Variants in PARP4 observed in about 807,000 individuals in gnomAD.
PARP4 encodes protein mono-ADP-ribosyltransferase PARP4.
PARP4 carries 120 observed loss-of-function variants against 187.7 expected under a neutral mutation model. The ratio of observed to expected loss-of-function variants is 0.64; its 90% CI spans 0.55 to 0.74. PARP4 has a LOEUF of 0.74. Among genes scored for constraint, PARP4 ranks in the 30% least tolerant of loss-of-function variants. PARP4 has a pLI of 0.00. For synonymous variants in PARP4, 654 were observed against 740.9 expected (o/e 0.88, Z 1.90); for missense variants, 1,836 against 2,070.5 (o/e 0.89, Z 2.20).
intron 9 of PARP4, among the ~76,000 whole-genome samples, chr13:24,492,165 G>A (rs749657572): frequency 5.9e-5 from 9 of 152,220 alleles, no homozygotes; most frequent in Non-Finnish European, 1.3e-4. Context: ...TCCAGAGTCT[G>A]AAAAGTTATT....
At chr13:24,506,749 T>C (rs1407011409) in intron 1 of PARP4, among the ~76,000 whole-genome samples, 4 of 152,226 alleles carry the variant, frequency 2.6e-5, no homozygotes, top group African/African-American at 9.6e-5. Context: ...GGAGCCCAGC[T>C]GGCTTCACCC....
intron 14 of PARP4, among the ~76,000 whole-genome samples, chr13:24,477,309 G>GA (rs1873035536): frequency 6.6e-6 from 1 of 151,726 alleles, no homozygotes; most frequent in South Asian, 2.1e-4. Context: ...GTGAGAATTT[G>GA]TCTCTAAAAA....
chr13:24,426,639 G>T (rs768710170), intron 32 of PARP4, 41 bp from the exon 33 acceptor site: 3 of 1,578,082 alleles, frequency 1.9e-6, no homozygotes. Flanking sequence ...TGGAAACTCT[G>T]CATCTCAAAC....
chr13:24,455,690 T>A (rs1434209004), intron 21 of PARP4, among the ~76,000 whole-genome samples: 1 of 131,638 alleles, frequency 7.6e-6, no homozygotes, highest in Non-Finnish European at 1.6e-5. Flanking sequence ...CGATCACAGC[T>A]CAGTTCAACC....
At chr13:24,428,931 C>T (rs904512479) in intron 32 of PARP4, among the ~76,000 whole-genome samples, 1 of 152,150 alleles carries the variant, frequency 6.6e-6, no homozygotes, top group African/African-American at 2.4e-5. Context: ...AACCTTTCAC[C>T]TTCTGAAACC....
intron 18 of PARP4, chr13:24,459,532 T>TACACACAC (rs762453075): frequency 0.029 from 9,108 of 315,818 alleles, 295 homozygotes; most frequent in Admixed American, 0.052. Flanking sequence ...TCTGTGTGTA[T>TACACACAC]ACACACACAC....
intron 32 of PARP4, among the ~76,000 whole-genome samples, chr13:24,430,744 A>G (rs565099145): frequency 1.3e-5 from 2 of 152,174 alleles, no homozygotes; most frequent in East Asian, 3.9e-4. Flanking sequence ...GGACTTCCTC[A>G]TCTATCCCCT....
intron 22 of PARP4, 38 bp from the exon 23 acceptor site, chr13:24,453,692 C>T (rs776560399): frequency 1.2e-5 from 14 of 1,142,048 alleles, no homozygotes; most frequent in South Asian, 4.9e-5. Flanking sequence ...TGCTTCCACA[C>T]GTTCACTTGC....
chr13:24,434,567 C>T lies in PARP4; in HGVS notation c.4574G>A (p.Ser1525Asn), dbSNP rs759713523. ...VFAFQSSDTE[S>N]DELSEVLQDS... is the part of the protein sequence containing the mutation. ...TTGAAGTACTTCTGATAGCTCATCA[C>T]TTTCTGTGTCAGAACTTTGAAAAGC... Residue 1525 changes from serine (S) to asparagine (N), a missense_variant, in exon 31 of 34, where the codon AGT becomes AAT. Coordinates refer to ENST00000381989, the MANE Select transcript of PARP4 (RefSeq NM_006437.4). The T allele has an allele frequency of 9.1e-5, 146 of 1,613,184 alleles. No homozygotes were observed. Among genetic ancestry groups the T allele is most frequent in the Non-Finnish European group, 1.2e-4 (142 of 1,179,360 alleles).
chr13:24,459,532 T>TATACACACAC (rs1485761739), intron 18 of PARP4: 1 of 315,822 alleles, frequency 3.2e-6, no homozygotes, highest in Non-Finnish European at 5.7e-6. Context: ...TCTGTGTGTA[T>TATACACACAC]ACACACACAC....
At chr13:24,502,949 AG>A (rs1869388173) in intron 2 of PARP4, among the ~76,000 whole-genome samples, 1 of 152,210 alleles carries the variant, frequency 6.6e-6, no homozygotes, top group Admixed American at 6.5e-5. Flanking sequence ...GGGCAGGGTG[AG>A]TCAGCTCATC....
chr13:24,454,182 ATG>A (rs1871694879), intron 22 of PARP4, among the ~76,000 whole-genome samples: 1 of 152,222 alleles, frequency 6.6e-6, no homozygotes, highest in Non-Finnish European at 1.5e-5. Context: ...ACTATGCAAA[ATG>A]TTGAGTCAAA....
At chr13:24,465,956 G>A (rs1244542915) in intron 17 of PARP4, among the ~76,000 whole-genome samples, 4 of 152,182 alleles carry the variant, frequency 2.6e-5, no homozygotes, top group Non-Finnish European at 5.9e-5. Flanking sequence ...AATATTGTAG[G>A]CTGTATGTGG....
chr13:24,465,907 T>C (rs537052089), intron 17 of PARP4, among the ~76,000 whole-genome samples: 2 of 152,272 alleles, frequency 1.3e-5, no homozygotes, highest in South Asian at 2.1e-4. Context: ...TGTAATGTAA[T>C]GTATTCTGGT....
intron 27 of PARP4, among the ~76,000 whole-genome samples, chr13:24,444,157 A>G (rs1044343978): frequency 1.2e-4 from 19 of 152,278 alleles, no homozygotes; most frequent in African/African-American, 4.1e-4. Context: ...CACAATGTGC[A>G]CCACCAGGTG....
intron 17 of PARP4, among the ~76,000 whole-genome samples, chr13:24,464,397 A>ACT: frequency 6.6e-6 from 1 of 152,014 alleles, no homozygotes; most frequent in South Asian, 2.1e-4. Context: ...ACTTCACACT[A>ACT]TACTACAAGG....
chr13:24,478,342 A>G (rs1266633881), intron 12 of PARP4, 66 bp from the exon 13 acceptor site: 18 of 1,034,036 alleles, frequency 1.7e-5, no homozygotes, highest in Middle Eastern at 2.3e-4. Context: ...CATACTATTG[A>G]AAAGACTTTC....
chr13:24,457,032 G>A lies in PARP4; in HGVS notation c.2425-554C>T, dbSNP rs558048962. Among the ~76,000 whole-genome samples the A allele has an allele frequency of 3.9e-5, 6 of 152,230 alleles. No homozygotes were observed. In the South Asian group the frequency reaches 1.2e-3, roughly 32 times the overall value. On this transcript the variant is annotated intron_variant, in intron 20 of 33. Transcript: ENST00000381989. The stretch of plus-strand genomic sequence containing the variant: ...CACACGGTCAAATAAGTGTGAGACA[G>A]TCTCAAACCCTGGATCCAAAGATTA...
intron 28 of PARP4, among the ~76,000 whole-genome samples, chr13:24,443,032 C>T (rs1565993016): frequency 6.6e-6 from 1 of 151,618 alleles, no homozygotes; most frequent in Non-Finnish European, 1.5e-5. Flanking sequence ...GCCAACCCAG[C>T]AGCATCTGAG....
Sources: allele counts gnomAD v4.1 joint callset (sites outside exome capture counted in the v4.1 genomes callset), GRCh38; gene constraint gnomAD v4.1.1; transcripts MANE v1.5; gene names NCBI Gene and HGNC (gene_info 2026-07-23, HGNC 2026-07-21).